ELAC2: variants seen among roughly 807,000 people sequenced by gnomAD.
The protein encoded by ELAC2 is elaC ribonuclease Z 2.
ELAC2 carries 92 observed loss-of-function variants against 105.2 expected under a neutral mutation model. That is an observed-to-expected ratio of 0.87 (90% CI 0.74 to 1.04). The LOEUF (loss-of-function observed/expected upper bound fraction) is 1.04. Ranked by LOEUF, ELAC2 falls within the 50% of genes least tolerant of loss-of-function variation. ELAC2 has a pLI of 0.00. For synonymous variants in ELAC2, 468 were observed against 409.1 expected (o/e 1.14, Z -1.74); for missense variants, 1,099 against 1,071.7 (o/e 1.03, Z -0.36).
chr17:13,014,235 G>A (rs780412660), intron 5 of ELAC2, among the ~76,000 whole-genome samples: 3 of 147,300 alleles, frequency 2.0e-5, no homozygotes, highest in Non-Finnish European at 3.0e-5. Flanking sequence ...GGAGGTTGCA[G>A]TGAGCCGAGA....
chr17:13,002,724 A>C, intron 12 of ELAC2, 145 bp from the exon 13 acceptor site: 1 of 1,317,244 alleles, frequency 7.6e-7, no homozygotes, highest in Non-Finnish European at 1.1e-6. Flanking sequence ...TACATGGCCA[A>C]ACATGGTCCC....
At position 12,998,447 on chromosome 17, in the gene ELAC2, C is replaced by A. The variant is rs1347099556; in HGVS notation, c.1485G>T (p.Lys495Asn). The A allele has an allele frequency of 1.2e-6, 2 of 1,614,090 alleles. No individual in the cohort carries two copies. Among genetic ancestry groups the A allele is most frequent in the Non-Finnish European group, 1.7e-6 (2 of 1,180,060 alleles). Residue 495 changes from lysine to asparagine, a missense_variant, in exon 16 of 24, where the codon AAG becomes AAT. Physicochemically the swap from Lys to Asn is moderately conservative, Grantham distance 94. Coordinates refer to ENST00000338034, the MANE Select transcript of ELAC2 (RefSeq NM_018127.7). Reference sequence around the variant, plus strand: ...CAAGTGTGGCACTGACATTTCGAATCTTCATCGGGATGGCAGACCCTGTTC... The same window carrying A: ...CAAGTGTGGCACTGACATTTCGAATATTCATCGGGATGGCAGACCCTGTTC... ...FLGTGSAIPM[K>N]IRNVSATLVN...
intron 1 of ELAC2, 62 bp downstream of exon 1, chr17:13,017,641 G>C (rs1362319258): frequency 1.2e-6 from 2 of 1,610,670 alleles, no homozygotes; most frequent in Non-Finnish European, 1.7e-6. Flanking sequence ...GAGGTGCCCC[G>C]ATGCTCAGAG....
intron 4 of ELAC2, 129 bp from the exon 5 acceptor site, chr17:13,014,625 T>C (rs2041621996): frequency 1.3e-6 from 1 of 755,720 alleles, no homozygotes; most frequent in Non-Finnish European, 2.4e-6. Context: ...TTGAACATCA[T>C]TTATTACAAA....
rs1326785696 is a variant in ELAC2 at position 13,017,923 on chromosome 17, G to A, written c.25C>T (p.Arg9Trp). The change falls in exon 1 of 24, where the codon CGG becomes TGG. Residue 9 changes from arginine to tryptophan, a missense_variant. Transcript: ENST00000338034. MWALCSLL[R>W]SAAGRTMSQG... is the part of the protein sequence containing the mutation. ...GACATGGTGCGTCCGGCCGCGGACCGCAGCAGCGAGCAAAGCGCCCACATG... is the reference window on the plus strand; with the variant it reads ...GACATGGTGCGTCCGGCCGCGGACCACAGCAGCGAGCAAAGCGCCCACATG... The A allele has an allele frequency of 1.3e-6, 2 of 1,539,546 alleles. No homozygotes were observed. Among genetic ancestry groups the A allele is most frequent in the Non-Finnish European group, 1.7e-6 (2 of 1,147,184 alleles).
In ELAC2 at chr17:13,006,098, C is replaced by T. The variant is rs151039921; in HGVS notation, c.739-119G>A. ...AAAAAATAATAATGTTGGCCAGGCA[C>T]GGTGGCTCACGCCTGTAATTCCAGT... On this transcript the variant is annotated intron_variant, in intron 8 of 23. Transcript: ENST00000338034. 4.7e-5 allele frequency: 49 copies of T among 1,032,438 alleles called. No individual in the cohort carries two copies. In the East Asian group the frequency reaches 5.1e-4, roughly 11 times the overall value. 64.0% of individuals were successfully genotyped at this position (1,032,438 alleles called of 1,614,324 possible). A position where few individuals can be genotyped will look rare whatever the true frequency, so the allele number is the denominator to read the frequency against.
chr17:12,993,887 C>T (rs561095826), intron 22 of ELAC2, 56 bp from the exon 23 acceptor site: 1 of 1,612,324 alleles, frequency 6.2e-7, no homozygotes, highest in African/African-American at 1.3e-5. Flanking sequence ...GACTGCAAAG[C>T]AGACAGTGGC....
intron 16 of ELAC2, among the ~76,000 whole-genome samples, chr17:12,996,967 G>A (rs1014314779): frequency 6.6e-6 from 1 of 151,754 alleles, no homozygotes; most frequent in Non-Finnish European, 1.5e-5. Context: ...AAAGTTTATA[G>A]GAGGCTTAAA....
chr17:13,016,846 C>T lies in ELAC2; in HGVS notation c.367+16G>A. The T allele has an allele frequency of 6.2e-7, 1 of 1,613,716 alleles. No individual in the cohort carries two copies. Among genetic ancestry groups the T allele is most frequent in the Non-Finnish European group, 8.5e-7 (1 of 1,179,832 alleles). On this transcript the variant is annotated intron_variant, in intron 3 of 23. Coordinates refer to ENST00000338034, the MANE Select transcript of ELAC2 (RefSeq NM_018127.7). ...GACTTCCCACCAGCCTCTGACACTG[C>T]AAAGAATATACTCACCACTTAAGCC...
intron 8 of ELAC2, among the ~76,000 whole-genome samples, chr17:13,009,897 G>A (rs1365933261): frequency 6.7e-6 from 1 of 149,450 alleles, no homozygotes; most frequent in Non-Finnish European, 1.5e-5. Flanking sequence ...GCTGAGGCAG[G>A]AGAATCACTT....
At chr17:12,995,175 G>T in intron 19 of ELAC2, 113 bp from the exon 20 acceptor site, 1 of 1,120,466 alleles carries the variant, frequency 8.9e-7, no homozygotes, top group Non-Finnish European at 1.4e-6. Flanking sequence ...GAAAACATGA[G>T]TTAAATCATA....
In ELAC2 at chr17:13,017,505, G is replaced by C. The variant is rs1305908041; in HGVS notation, c.245+198C>G. On this transcript the variant is annotated intron_variant, in intron 1 of 23. Coordinates refer to ENST00000338034, the MANE Select transcript of ELAC2 (RefSeq NM_018127.7). ...GAAAAGGACGCTCAGACCCAGGCCT[G>C]AAGTTCTTCACAGATCCGCAGAAAT... 34 of 1,179,668 alleles carry C rather than the reference G, an allele frequency of 2.9e-5. No homozygotes were observed. The Admixed American group carries it at 6.0e-4, about 21-fold the overall frequency. The allele number at this position is 1,179,668 out of a possible 1,614,324, so 73.1% of individuals were successfully genotyped here.
At chr17:13,016,396 G>A (rs1393057457) in intron 3 of ELAC2, among the ~76,000 whole-genome samples, 19 of 152,186 alleles carry the variant, frequency 1.2e-4, no homozygotes, top group Admixed American at 1.2e-3. Flanking sequence ...AAACTAAGTG[G>A]ATGGTAACAC....
chr17:13,009,605 CTT>C (rs1251048741), intron 8 of ELAC2, among the ~76,000 whole-genome samples: 1 of 152,184 alleles, frequency 6.6e-6, no homozygotes, highest in East Asian at 1.9e-4. Context: ...AGTTAAAAGA[CTT>C]TGAATAAAGG....
intron 3 of ELAC2, 141 bp from the exon 4 acceptor site, chr17:13,015,973 G>T: frequency 1.4e-6 from 1 of 724,636 alleles, no homozygotes. Context: ...GATGTACAGA[G>T]CAGAAGTGAT....
chr17:12,996,369 A>G (rs910835905), intron 17 of ELAC2, 178 bp downstream of exon 17: 3 of 875,352 alleles, frequency 3.4e-6, no homozygotes, highest in Non-Finnish European at 5.4e-6. Flanking sequence ...AAGAGAAGAC[A>G]TTCTTGTGGC....
intron 17 of ELAC2, 156 bp from the exon 18 acceptor site, chr17:12,996,134 T>C (rs992335257): frequency 3.1e-4 from 253 of 827,948 alleles, no homozygotes; most frequent in Non-Finnish European, 4.1e-4. Context: ...CCGAGCCCCC[T>C]GCGCCATGGC....
intron 6 of ELAC2, among the ~76,000 whole-genome samples, chr17:13,012,872 C>T (rs1728242631): frequency 6.6e-6 from 1 of 152,148 alleles, no homozygotes; most frequent in Non-Finnish European, 1.5e-5. Flanking sequence ...TCTGTGCAAA[C>T]CTCTTCATGA....
chr17:12,997,735 T>C (rs1427922699), intron 16 of ELAC2, among the ~76,000 whole-genome samples: 3 of 152,208 alleles, frequency 2.0e-5, no homozygotes, highest in East Asian at 1.9e-4. Context: ...GCATGTAAGA[T>C]GGCAGAGCAA....
Sources: allele counts gnomAD v4.1 joint callset (sites outside exome capture counted in the v4.1 genomes callset), GRCh38; gene constraint gnomAD v4.1.1; transcripts MANE v1.5; gene names NCBI Gene and HGNC (gene_info 2026-07-23, HGNC 2026-07-21).